The following ARHGAP15 variants were observed in gnomAD, a reference collection of about 807,000 sequenced individuals.
ARHGAP15 encodes the protein Rho GTPase activating protein 15.
In ARHGAP15, 51 loss-of-function variants were observed where a neutral mutation model predicts 63.7. That is an observed-to-expected ratio of 0.80 (90% CI 0.64 to 1.01). The LOEUF (loss-of-function observed/expected upper bound fraction) is 1.01, where lower values mean the gene tolerates loss of function less well. Ranked by LOEUF, ARHGAP15 falls within the 50% of genes least tolerant of loss-of-function variation. The probability of loss-of-function intolerance (pLI) is 0.00; values close to 1 mark genes in which losing one functional copy is unlikely to be tolerated. For synonymous variants in ARHGAP15, 191 were observed against 193.8 expected (o/e 0.99, Z 0.12); for missense variants, 560 against 564.6 (o/e 0.99, Z 0.08).
intron 2 of ARHGAP15, among the ~76,000 whole-genome samples, chr2:143,190,864 G>A (rs1265789994): frequency 1.3e-5 from 2 of 152,144 alleles, no homozygotes; most frequent in African/African-American, 2.4e-5. Context: ...TCCGCCTCCC[G>A]GGTTCAAGCG....
intron 12 of ARHGAP15, 125 bp downstream of exon 12, chr2:143,624,392 C>A: frequency 8.8e-7 from 1 of 1,130,328 alleles, no homozygotes; most frequent in Non-Finnish European, 1.2e-6. Context: ...TGCTCCATAT[C>A]TTACGTTTTC....
At chr2:143,165,960 G>GAAAGAAAGGA (rs1690489336) in intron 2 of ARHGAP15, among the ~76,000 whole-genome samples, 1 of 93,594 alleles carries the variant, frequency 1.1e-5, no homozygotes, top group African/African-American at 4.4e-5. Flanking sequence ...GAAAGAAAGA[G>GAAAGAAAGGA]AGAAAGAAAG....
intron 13 of ARHGAP15, among the ~76,000 whole-genome samples, chr2:143,761,624 C>G (rs961727230): frequency 6.6e-6 from 1 of 152,086 alleles, no homozygotes; most frequent in Non-Finnish European, 1.5e-5. Context: ...TCTTTCAGTT[C>G]GAGTCATTTG....
intron 11 of ARHGAP15, among the ~76,000 whole-genome samples, chr2:143,618,644 TGAA>T (rs1315149078): frequency 4.7e-4 from 72 of 152,346 alleles, no homozygotes; most frequent in Middle Eastern, 3.4e-3. Flanking sequence ...TTTTAACACA[TGAA>T]GAAGATTTTC....
chr2:143,685,319 T>G (rs938803943), intron 12 of ARHGAP15, among the ~76,000 whole-genome samples: 4 of 152,206 alleles, frequency 2.6e-5, no homozygotes, highest in African/African-American at 9.7e-5. Flanking sequence ...AAGTCCAAGT[T>G]CAAAACACAG....
intron 10 of ARHGAP15, among the ~76,000 whole-genome samples, chr2:143,551,567 T>G (rs1438273768): frequency 6.6e-6 from 1 of 152,172 alleles, no homozygotes; most frequent in East Asian, 1.9e-4. Context: ...TTTTTATTGT[T>G]TTTTTAACCA....
At chr2:143,534,577 A>T (rs1694667497) in intron 10 of ARHGAP15, among the ~76,000 whole-genome samples, 1 of 152,006 alleles carries the variant, frequency 6.6e-6, no homozygotes, top group Admixed American at 6.6e-5. Flanking sequence ...TTCAATCTAT[A>T]GAAAAAAAGA....
intron 6 of ARHGAP15, among the ~76,000 whole-genome samples, chr2:143,428,099 G>T (rs1689209840): frequency 6.6e-6 from 1 of 152,022 alleles, no homozygotes; most frequent in Non-Finnish European, 1.5e-5. Flanking sequence ...TTTGTGCTAA[G>T]ATAAAGGAGA....
chr2:143,591,597 G>GT (rs1202876811), intron 11 of ARHGAP15, among the ~76,000 whole-genome samples: 1 of 142,314 alleles, frequency 7.0e-6, no homozygotes, highest in Non-Finnish European at 1.5e-5. Flanking sequence ...GGGATAAGTT[G>GT]GTTTTTTTTG....
At chr2:143,669,560 C>A (rs1574812875) in intron 12 of ARHGAP15, among the ~76,000 whole-genome samples, 1 of 152,124 alleles carries the variant, frequency 6.6e-6, no homozygotes, top group Non-Finnish European at 1.5e-5. Flanking sequence ...TAGCAACAGC[C>A]ATGGTTTGTT....
Position 143,470,641 on chromosome 2 carries a change from ATG to A in ARHGAP15, c.704-16724_704-16723del, listed in dbSNP as rs111252115. On this transcript the variant is annotated intron_variant, in intron 8 of 13. Coordinates refer to ENST00000295095, the MANE Select transcript of ARHGAP15 (RefSeq NM_018460.4). ...TATATATATACATATGTGTGTATAT[ATG>A]TGTGTGTATATATATACATGTATAT... 9.3e-4 allele frequency among the ~76,000 whole-genome samples: 127 copies of A among 136,638 alleles called. No individual in the cohort carries two copies. The South Asian group carries it at 0.012, about 13-fold the overall frequency. The allele number at this position is 136,638 out of a possible 152,430, so 89.6% of individuals were successfully genotyped here. A position where few individuals can be genotyped will look rare whatever the true frequency, so the allele number is the denominator to read the frequency against.
intron 6 of ARHGAP15, among the ~76,000 whole-genome samples, chr2:143,268,217 C>CTATTTTTT (rs1681095078): frequency 6.6e-6 from 1 of 150,440 alleles, no homozygotes; most frequent in South Asian, 2.1e-4. Context: ...GTGTTAAATC[C>CTATTTTTT]TATTTTTCTA....
chr2:143,145,492 C>T (rs1574006230), intron 1 of ARHGAP15, among the ~76,000 whole-genome samples: 1 of 152,108 alleles, frequency 6.6e-6, no homozygotes, highest in East Asian at 1.9e-4. Flanking sequence ...GAACAAATAG[C>T]CGGAATTGAG....
intron 6 of ARHGAP15, among the ~76,000 whole-genome samples, chr2:143,423,776 GTTC>G (rs1689029637): frequency 6.6e-6 from 1 of 152,098 alleles, no homozygotes; most frequent in South Asian, 2.1e-4. Context: ...ATTATGTTAA[GTTC>G]TTCTCCTGGA....
intron 6 of ARHGAP15, among the ~76,000 whole-genome samples, chr2:143,288,466 A>G (rs920193635): frequency 2.6e-5 from 4 of 152,108 alleles, no homozygotes; most frequent in African/African-American, 9.7e-5. Context: ...GTGTTGCACA[A>G]TTTTTTTGAG....
At chr2:143,644,849 A>C (rs1203623257) in intron 12 of ARHGAP15, among the ~76,000 whole-genome samples, 1 of 152,138 alleles carries the variant, frequency 6.6e-6, no homozygotes, top group Non-Finnish European at 1.5e-5. Flanking sequence ...TTCTTGATAA[A>C]TTATATTCAC....
At chr2:143,563,553 G>A (rs530648730) in intron 11 of ARHGAP15, among the ~76,000 whole-genome samples, 105 of 152,212 alleles carry the variant, frequency 6.9e-4, no homozygotes, top group African/African-American at 2.4e-3. Flanking sequence ...TTGGAGAAGG[G>A]GAGCGAAGTC....
chr2:143,440,517 T>G (rs1356967545), intron 8 of ARHGAP15, among the ~76,000 whole-genome samples: 1 of 152,220 alleles, frequency 6.6e-6, no homozygotes. Flanking sequence ...AAGCCAGAAT[T>G]ACTTTTTTAA....
At chr2:143,378,507 G>A (rs79852234) in intron 6 of ARHGAP15, among the ~76,000 whole-genome samples, 4 of 151,930 alleles carry the variant, frequency 2.6e-5, no homozygotes, top group Non-Finnish European at 5.9e-5. Flanking sequence ...TGATAACAGC[G>A]GTAGTTTATA....
Sources: allele counts gnomAD v4.1 joint callset (sites outside exome capture counted in the v4.1 genomes callset), GRCh38; gene constraint gnomAD v4.1.1; transcripts MANE v1.5; gene names NCBI Gene and HGNC (gene_info 2026-07-23, HGNC 2026-07-21).